The following ZNF282 variants were observed in gnomAD, a reference collection of about 807,000 sequenced individuals.
ZNF282 encodes the protein zinc finger protein 282.
In ZNF282, 30 loss-of-function variants were observed where a neutral mutation model predicts 61.9. That is an observed-to-expected ratio of 0.48 (90% CI 0.36 to 0.66). The LOEUF (loss-of-function observed/expected upper bound fraction) is 0.66. Ranked by LOEUF, ZNF282 falls within the 30% of genes least tolerant of loss-of-function variation. The pLI, the probability that ZNF282 is intolerant of heterozygous loss-of-function variation, is 0.00. For synonymous variants in ZNF282, 396 were observed against 405.0 expected (o/e 0.98, Z 0.27); for missense variants, 788 against 941.4 (o/e 0.84, Z 2.13).
chr7:149,206,615 G>A, intron 2 of ZNF282, 81 bp from the exon 3 acceptor site: 2 of 1,595,310 alleles, frequency 1.3e-6, no homozygotes, highest in Non-Finnish European at 1.7e-6. Context: ...GGTGGGGAGT[G>A]GGTCTTGTGG....
At chr7:149,201,133 G>C (rs973567100) in intron 2 of ZNF282, among the ~76,000 whole-genome samples, 1 of 152,172 alleles carries the variant, frequency 6.6e-6, no homozygotes, top group African/African-American at 2.4e-5. Flanking sequence ...CGTTGATGAC[G>C]GATGGTTCCA....
At chr7:149,196,896 G>C (rs1473987935) in intron 1 of ZNF282, among the ~76,000 whole-genome samples, 2 of 152,184 alleles carry the variant, frequency 1.3e-5, no homozygotes, top group East Asian at 3.9e-4. Flanking sequence ...GGCTGCTCTT[G>C]AGTCAGAGAG....
At position 149,224,132 on chromosome 7, in the gene ZNF282, C is replaced by A. The variant is rs1256175372; in HGVS notation, c.1501C>A (p.Pro501Thr). ...GAGGGCGSCCPGGLRRSLLLH... is the reference protein window; with the variant it reads ...GAGGGCGSCCTGGLRRSLLLH... The stretch of plus-strand genomic sequence containing the variant: ...AGGCGGCGGCTGTGGCAGCTGCTGC[C>A]CTGGCGGGCTGCGGCGGAGCCTCCT... The change falls in exon 8 of 8, where the codon CCT becomes ACT. Residue 501 changes from proline to threonine, a missense_variant. Around this residue, in one of 3 missense-constraint regions of ZNF282, gnomAD observed 559 missense variants for 642.0 expected, o/e 0.87. Coordinates refer to ENST00000610704, the MANE Select transcript of ZNF282 (RefSeq NM_003575.4). The A allele has an allele frequency of 1.4e-6, 2 of 1,477,996 alleles. No homozygotes were observed. The highest frequency in any genetic ancestry group is 1.8e-6 in the Non-Finnish European group (2 of 1,118,776). The allele number at this position is 1,477,996 out of a possible 1,614,324, so 91.6% of individuals were successfully genotyped here.
At chr7:149,217,765 C>CT (rs1178187307) in intron 7 of ZNF282, among the ~76,000 whole-genome samples, 1 of 152,022 alleles carries the variant, frequency 6.6e-6, no homozygotes, top group African/African-American at 2.4e-5. Flanking sequence ...CGGTGCCTGA[C>CT]TGAGTGTGCC....
Position 149,212,445 on chromosome 7 carries a change from G to A in ZNF282, c.1040G>A (p.Arg347Lys), listed in dbSNP as rs1426834461. 1.2e-6 allele frequency: 2 copies of A among 1,612,778 alleles called. No individual in the cohort carries two copies. Among genetic ancestry groups the A allele is most frequent in the Non-Finnish European group, 1.7e-6 (2 of 1,179,530 alleles). ...TGGGATCAGCAGGATTTGGCAGACAGAGATATTCCCACGGATCCCAATTCA... is the reference window on the plus strand; with the variant it reads ...TGGGATCAGCAGGATTTGGCAGACAAAGATATTCCCACGGATCCCAATTCA... ...CVWDQQDLAD[R>K]DIPTDPNSES... Residue 347 changes from arginine (R) to lysine (K), a missense_variant, in exon 6 of 8, where the codon AGA becomes AAA. Physicochemically the swap from Arg to Lys is conservative, Grantham distance 26 (BLOSUM62 2). Around this residue, in one of 3 missense-constraint regions of ZNF282, gnomAD observed 559 missense variants for 642.0 expected, o/e 0.87. Transcript: ENST00000610704.
chr7:149,198,396 A>G lies in ZNF282; in HGVS notation c.229A>G (p.Arg77Gly). 6.2e-7 allele frequency: 1 copy of G among 1,614,126 alleles called. No homozygotes were observed. Among genetic ancestry groups the G allele is most frequent in the Non-Finnish European group, 8.5e-7 (1 of 1,180,014 alleles). ...TTTTCAGTTCCCACCCTTTCCAGAT[A>G]GGGCACCTGTCTTCCCCGACCGCAT... ...MPFQFPPFPD[R>G]APVFPDRMMR... Residue 77 changes from arginine to glycine, a missense_variant, in exon 2 of 8, where the codon AGG becomes GGG. Physicochemically the swap from Arg to Gly is moderately radical, Grantham distance 125. Around this residue, in one of 3 missense-constraint regions of ZNF282, gnomAD observed 137 missense variants for 135.4 expected, o/e 1.01. Coordinates refer to ENST00000610704, the MANE Select transcript of ZNF282 (RefSeq NM_003575.4). This position sits in a 1 kb window ranked among gnomAD's most constrained non-coding sequence, Gnocchi z 4.3.
intron 7 of ZNF282, 93 bp downstream of exon 7, chr7:149,213,907 CCTCG>C: frequency 1.3e-5 from 11 of 815,158 alleles, no homozygotes; most frequent in Middle Eastern, 3.6e-4. Context: ...TCAGCTCACC[CCTCG>C]TAGGGTGATG....
chr7:149,212,652 C>T (rs1796106347), intron 6 of ZNF282, among the ~76,000 whole-genome samples, 181 bp downstream of exon 6: 1 of 152,228 alleles, frequency 6.6e-6, no homozygotes, highest in African/African-American at 2.4e-5. Flanking sequence ...GTGATCTCAG[C>T]TCACCGCAAC....
At chr7:149,209,019 T>TAAAAAAAAAAAA (rs1585566819) in intron 4 of ZNF282, among the ~76,000 whole-genome samples, 1 of 5,912 alleles carries the variant, frequency 1.7e-4, no homozygotes, top group African/African-American at 3.2e-4. Context: ...AGACTTCATC[T>TAAAAAAAAAAAA]CAAAAAAAAA....
intron 7 of ZNF282, among the ~76,000 whole-genome samples, chr7:149,215,724 G>T (rs1796152437): frequency 6.6e-6 from 1 of 152,210 alleles, no homozygotes; most frequent in African/African-American, 2.4e-5. Context: ...CTTTGTAACT[G>T]CTGGCTTGGT....
intron 1 of ZNF282, among the ~76,000 whole-genome samples, chr7:149,196,744 G>A (rs1195642492): frequency 2.0e-5 from 3 of 152,176 alleles, no homozygotes; most frequent in African/African-American, 7.2e-5. Flanking sequence ...TGTGGGCTAG[G>A]GCGGAGTGGA....
At chr7:149,207,595 C>A (rs192901458) in intron 4 of ZNF282, 125 bp downstream of exon 4, 91 of 1,408,320 alleles carry the variant, frequency 6.5e-5, no homozygotes, top group Non-Finnish European at 8.1e-5. Context: ...TGGGTGGCTC[C>A]CAGGGGCCAG....
chr7:149,210,155 C>A lies in ZNF282; in HGVS notation c.833-430C>A, dbSNP rs565676220. ...ATACACGTGTGTGTGCATCTGGCCT[C>A]AACCTGGCCAGCTCTTTCTGACTGG... is the stretch of plus-strand genomic sequence containing the variant. On this transcript the variant is annotated intron_variant, in intron 4 of 7. Coordinates refer to ENST00000610704, the MANE Select transcript of ZNF282 (RefSeq NM_003575.4). Among the ~76,000 whole-genome samples, 7 of 152,264 alleles carry A rather than the reference C, an allele frequency of 4.6e-5. No homozygotes were observed. The East Asian group carries it at 1.4e-3, about 29-fold the overall frequency.
In ZNF282 at chr7:149,198,728, G is replaced by A. The variant is rs748399830; in HGVS notation, c.561G>A (p.Pro187=). Residue 187 remains proline (P), a synonymous_variant, in exon 2 of 8, where the codon CCG becomes CCA. Coordinates refer to ENST00000610704, the MANE Select transcript of ZNF282 (RefSeq NM_003575.4). This position sits in a 1 kb window ranked among gnomAD's most constrained non-coding sequence, Gnocchi z 4.3. Reference sequence around the variant, plus strand: ...ACTTCTGGGTCCTGCGGCTGCCCCCGGGCAGCAAGGGGGAGGCCCCCAAGG... The same window carrying A: ...ACTTCTGGGTCCTGCGGCTGCCCCCAGGCAGCAAGGGGGAGGCCCCCAAGG... ...NRNFWVLRLP[P]GSKGEAPKVP... is the part of the protein sequence containing the mutation. 1.4e-5 allele frequency: 23 copies of A among 1,613,464 alleles called. No homozygotes were observed. The highest frequency in any genetic ancestry group is 1.7e-5 in the Admixed American group (1 of 59,976).
chr7:149,221,116 C>T (rs577148890), intron 7 of ZNF282, among the ~76,000 whole-genome samples: 24 of 152,062 alleles, frequency 1.6e-4, no homozygotes, highest in Non-Finnish European at 2.4e-4. Context: ...ATGGGGTCTC[C>T]CTAGGTTGCC....
chr7:149,221,692 T>C (rs1242689407), intron 7 of ZNF282, among the ~76,000 whole-genome samples: 1 of 152,142 alleles, frequency 6.6e-6, no homozygotes, highest in Non-Finnish European at 1.5e-5. Flanking sequence ...TTTTGGCCTC[T>C]GCACCTGGCC....
chr7:149,198,185 T>C lies in ZNF282; in HGVS notation c.166-148T>C. On this transcript the variant is annotated intron_variant, in intron 1 of 7. Coordinates refer to ENST00000610704, the MANE Select transcript of ZNF282 (RefSeq NM_003575.4). This position sits in a 1 kb window ranked among gnomAD's most constrained non-coding sequence, Gnocchi z 4.3. ...GGGTGGGTGAGTGGGTAGCTGTTGC[T>C]GGGGGTGTTAGTGTATCCTGAGTTA... is the stretch of plus-strand genomic sequence containing the variant. 1 of 872,238 alleles carries C rather than the reference T, an allele frequency of 1.1e-6. No homozygotes were observed. The allele number at this position is 872,238 out of a possible 1,614,324, so 54.0% of individuals were successfully genotyped here. A position where few individuals can be genotyped will look rare whatever the true frequency, so the allele number is the denominator to read the frequency against.
rs1796308598 is a variant in ZNF282 at position 149,223,951 on chromosome 7, C to A, written c.1320C>A (p.Gly440=). Residue 440 remains glycine, a synonymous_variant, in exon 8 of 8, where the codon GGC becomes GGA. Transcript: ENST00000610704. ...CCATCGCGGTGGCCGAGAACCCGGG[C>A]GGCCCCCCGAGCCGAGGGCTGCTGG... is the stretch of plus-strand genomic sequence containing the variant. ...LPPIAVAENP[G]GPPSRGLLDD... is the part of the protein sequence containing the mutation. 2.3e-6 allele frequency: 3 copies of A among 1,307,852 alleles called. No individual in the cohort carries two copies. Among genetic ancestry groups the A allele is most frequent in the East Asian group, 3.1e-5 (1 of 31,778 alleles). 81.0% of individuals were successfully genotyped at this position (1,307,852 alleles called of 1,614,324 possible).
At chr7:149,199,340 A>G (rs367613063) in intron 2 of ZNF282, among the ~76,000 whole-genome samples, 5 of 152,080 alleles carry the variant, frequency 3.3e-5, no homozygotes, top group African/African-American at 1.2e-4. Flanking sequence ...TTGTTCTTCC[A>G]TCTGCTGCTC....
Sources: gnomAD v4.1 joint callset for allele counts (sites outside exome capture counted in the v4.1 genomes callset) on GRCh38, gnomAD v4.1.1 for gene constraint, gnomAD v4.1.1 regional missense constraint, Gnocchi (gnomAD v3.1) non-coding constraint, MANE v1.5 for transcripts, NCBI Gene and HGNC (gene_info 2026-07-23, HGNC 2026-07-21) for gene names.